Variants in CWC27 observed in about 807,000 individuals in gnomAD.
CWC27 encodes the protein CWC27 spliceosome associated cyclophilin, also known as spliceosome-associated protein CWC27 homolog.
In CWC27, 47 loss-of-function variants were observed where a neutral mutation model predicts 63.6. The observed-to-expected ratio is 0.74, with a 90% CI of 0.58 to 0.94. The LOEUF is 0.94. CWC27 is among the 40% of genes least tolerant of loss of function. The probability of loss-of-function intolerance (pLI) is 0.00; values close to 1 mark genes in which losing one functional copy is unlikely to be tolerated. For missense variants in CWC27, 495 were observed against 554.3 expected (o/e 0.89, Z 1.07); for synonymous variants, 175 against 179.8 (o/e 0.97, Z 0.22).
At chr5:64,787,868 C>T (rs964460820) in intron 6 of CWC27, among the ~76,000 whole-genome samples, 2 of 152,068 alleles carry the variant, frequency 1.3e-5, no homozygotes, top group African/African-American at 4.8e-5. Flanking sequence ...GCTTCAGTTA[C>T]CTCTTCCTAT....
At chr5:64,854,643 A>C (rs934534796) in intron 10 of CWC27, among the ~76,000 whole-genome samples, 1 of 152,266 alleles carries the variant, frequency 6.6e-6, no homozygotes, top group Non-Finnish European at 1.5e-5. Flanking sequence ...AGAGATTATT[A>C]ATACAGTCTA....
intron 10 of CWC27, among the ~76,000 whole-genome samples, chr5:64,815,827 G>A (rs1395551023): frequency 6.6e-6 from 1 of 152,100 alleles, no homozygotes; most frequent in Non-Finnish European, 1.5e-5. Flanking sequence ...TTTCACAGAT[G>A]AATAACACTT....
At chr5:64,915,161 T>C (rs1747866252) in intron 11 of CWC27, among the ~76,000 whole-genome samples, 1 of 152,172 alleles carries the variant, frequency 6.6e-6, no homozygotes, top group Non-Finnish European at 1.5e-5. Context: ...AGAAGAAAGT[T>C]TGTTTTTTTC....
chr5:64,988,966 A>G (rs1749486671), intron 13 of CWC27, among the ~76,000 whole-genome samples: 1 of 152,110 alleles, frequency 6.6e-6, no homozygotes, highest in African/African-American at 2.4e-5. Context: ...GGATTGACAC[A>G]TGCACTGACT....
At chr5:64,881,485 A>G (rs1023644202) in intron 10 of CWC27, among the ~76,000 whole-genome samples, 1 of 152,186 alleles carries the variant, frequency 6.6e-6, no homozygotes, top group Non-Finnish European at 1.5e-5. Context: ...CTATGCCCAT[A>G]TGACAGACAG....
chr5:64,858,372 G>A, intron 10 of CWC27, among the ~76,000 whole-genome samples: 1 of 149,708 alleles, frequency 6.7e-6, no homozygotes. Context: ...TGAGGCAGGA[G>A]AATGGCATGA....
At chr5:64,969,464 A>G (rs996301580) in intron 11 of CWC27, among the ~76,000 whole-genome samples, 9 of 152,206 alleles carry the variant, frequency 5.9e-5, no homozygotes, top group Non-Finnish European at 1.0e-4. Flanking sequence ...TTCCAGGTGC[A>G]TGGCAAATGC....
At chr5:64,909,820 C>A (rs544699030) in intron 11 of CWC27, among the ~76,000 whole-genome samples, 6 of 152,278 alleles carry the variant, frequency 3.9e-5, no homozygotes, top group South Asian at 4.1e-4. Context: ...TCTAGTTAGC[C>A]ATTCATCCAA....
At chr5:64,794,975 T>C (rs1744214879) in intron 7 of CWC27, among the ~76,000 whole-genome samples, 3 of 152,206 alleles carry the variant, frequency 2.0e-5, no homozygotes, top group Admixed American at 2.0e-4. Context: ...ACATTCACAG[T>C]GATACACAGA....
chr5:64,903,431 A>AAAC (rs1439935309), intron 11 of CWC27, among the ~76,000 whole-genome samples: 1 of 152,122 alleles, frequency 6.6e-6, no homozygotes, highest in African/African-American at 2.4e-5. Flanking sequence ...CAGGAACAGA[A>AAAC]AACCAAACGC....
intron 10 of CWC27, among the ~76,000 whole-genome samples, chr5:64,806,067 A>T (rs947655128): frequency 6.8e-6 from 1 of 147,166 alleles, no homozygotes; most frequent in African/African-American, 2.6e-5. Context: ...TTGGGCTATT[A>T]TACAAAATAC....
intron 13 of CWC27, among the ~76,000 whole-genome samples, chr5:65,016,639 G>A (rs757140320): frequency 8.5e-5 from 13 of 152,112 alleles, no homozygotes; most frequent in Non-Finnish European, 1.6e-4. Context: ...GTCTCAACTC[G>A]CCAGCCCTGG....
At chr5:64,888,865 G>A (rs1413934856) in intron 11 of CWC27, among the ~76,000 whole-genome samples, 1 of 151,934 alleles carries the variant, frequency 6.6e-6, no homozygotes, top group Non-Finnish European at 1.5e-5. Context: ...AAAACTCAAA[G>A]GTAAAAAGAG....
chr5:64,921,038 A>G (rs1747987002), intron 11 of CWC27, among the ~76,000 whole-genome samples: 1 of 152,006 alleles, frequency 6.6e-6, no homozygotes, highest in African/African-American at 2.4e-5. Context: ...ATGTTACGTT[A>G]TGAATTTGAG....
At chr5:64,828,734 A>G (rs975452401) in intron 10 of CWC27, among the ~76,000 whole-genome samples, 3 of 152,060 alleles carry the variant, frequency 2.0e-5, no homozygotes, top group Non-Finnish European at 4.4e-5. Context: ...GTTATTGACA[A>G]CCTAGGTCAT....
chr5:64,836,518 A>G (rs1745661407), intron 10 of CWC27, among the ~76,000 whole-genome samples: 1 of 151,994 alleles, frequency 6.6e-6, no homozygotes, highest in African/African-American at 2.4e-5. Context: ...TACTGTTTGC[A>G]GAAGTCCCAG....
Position 64,920,268 on chromosome 5 carries a change from C to T in CWC27, c.1042+34722C>T, listed in dbSNP as rs188128804. On this transcript the variant is annotated intron_variant, in intron 11 of 13. Transcript: ENST00000381070. ...ACAGGTGTGAGCCACCACACCCACC[C>T]GTCATTTATTGGCTTACGTATATTG... Among the ~76,000 whole-genome samples, 17 of 152,248 alleles carry T rather than the reference C, an allele frequency of 1.1e-4. No individual in the cohort carries two copies. The East Asian group carries it at 2.3e-3, about 21-fold the overall frequency.
chr5:64,803,622 A>G (rs1301676141), intron 9 of CWC27, among the ~76,000 whole-genome samples: 1 of 152,158 alleles, frequency 6.6e-6, no homozygotes, highest in Non-Finnish European at 1.5e-5. Flanking sequence ...GCAAGCAATG[A>G]AGAGATATCT....
intron 11 of CWC27, among the ~76,000 whole-genome samples, chr5:64,905,200 CAA>C (rs71608574): frequency 0.072 from 3,970 of 55,274 alleles, 48 homozygotes; most frequent in African/African-American, 0.13. Flanking sequence ...CACTACATCT[CAA>C]AAAAAAAAAA....
Sources: gnomAD v4.1 joint callset for allele counts (sites outside exome capture counted in the v4.1 genomes callset) on GRCh38, gnomAD v4.1.1 for gene constraint, MANE v1.5 for transcripts, NCBI Gene and HGNC (gene_info 2026-07-23, HGNC 2026-07-21) for gene names.